The following CDH12 variants were observed in gnomAD, a reference collection of about 807,000 sequenced individuals.
CDH12 encodes cadherin 12, also known as cadherin-12.
Under a neutral mutation model 74.1 loss-of-function variants are expected in CDH12, and 41 were observed. The observed-to-expected ratio is 0.55, with a 90% CI of 0.43 to 0.72. The LOEUF is 0.72. Ranked by LOEUF, CDH12 falls within the 30% of genes least tolerant of loss-of-function variation. The probability of loss-of-function intolerance (pLI) is 0.00; values close to 1 mark genes in which losing one functional copy is unlikely to be tolerated. For missense variants in CDH12, 945 were observed against 977.2 expected (o/e 0.97, Z 0.44); for synonymous variants, 399 against 355.0 (o/e 1.12, Z -1.39).
chr5:21,787,884 G>A (rs1746281707), intron 10 of CDH12, among the ~76,000 whole-genome samples: 1 of 152,152 alleles, frequency 6.6e-6, no homozygotes, highest in Non-Finnish European at 1.5e-5. Context: ...GAACAAGAAA[G>A]CATTTCTCAA....
Position 21,802,281 on chromosome 5 carries a change from G to C in CDH12, c.1142C>G (p.Pro381Arg). ...VKISVLDVDE[P>R]PVFSKPLYTM... ...GTAGAGCGGCTTGCTGAAAACCGGT[G>C]GCTCATCTACGTCCAGCACGCTGAT... The change falls in exon 10 of 15, where the codon CCA (proline) becomes CGA (arginine). Residue 381 changes from proline (P) to arginine (R), a missense_variant. Pro to Arg is a moderately radical substitution (Grantham distance 103, BLOSUM62 -2). Coordinates refer to ENST00000382254, the MANE Select transcript of CDH12 (RefSeq NM_004061.5). The C allele has an allele frequency of 6.2e-7, 1 of 1,611,202 alleles. No individual in the cohort carries two copies. Among genetic ancestry groups the C allele is most frequent in the African/African-American group, 1.3e-5 (1 of 74,240 alleles).
At chr5:21,880,620 T>TTCCTTCC (rs1561268475) in intron 6 of CDH12, among the ~76,000 whole-genome samples, 26 of 22,062 alleles carry the variant, frequency 1.2e-3, no homozygotes, top group South Asian at 2.4e-3. Context: ...TCCTTCCTTC[T>TTCCTTCC]TTCTTTCTTT....
chr5:21,935,003 G>A (rs1408426208), intron 6 of CDH12, among the ~76,000 whole-genome samples: 4 of 152,122 alleles, frequency 2.6e-5, no homozygotes, highest in Non-Finnish European at 5.9e-5. Context: ...AGCCAGGATG[G>A]TCTGGATCTC....
intron 4 of CDH12, among the ~76,000 whole-genome samples, chr5:22,175,002 T>C (rs888677385): frequency 3.9e-5 from 6 of 151,924 alleles, no homozygotes; most frequent in Admixed American, 6.6e-5. Context: ...AAATGTCCTA[T>C]ACCTACTTAC....
intron 3 of CDH12, among the ~76,000 whole-genome samples, chr5:22,221,979 A>G (rs1158110966): frequency 6.6e-6 from 1 of 151,930 alleles, no homozygotes; most frequent in Non-Finnish European, 1.5e-5. Flanking sequence ...TTATTTCTGA[A>G]GCTTGCCTGA....
chr5:22,678,594 G>A (rs1047066327), intron 1 of CDH12, among the ~76,000 whole-genome samples: 1 of 151,868 alleles, frequency 6.6e-6, no homozygotes, highest in Non-Finnish European at 1.5e-5. Context: ...TGTACTTTGC[G>A]GCCACCTTAA....
intron 9 of CDH12, among the ~76,000 whole-genome samples, chr5:21,809,667 C>T (rs34033082): frequency 0.011 from 1,702 of 152,218 alleles, 15 homozygotes; most frequent in Non-Finnish European, 0.018. Context: ...AAAAATAATG[C>T]AGCAGAAGTG....
intron 2 of CDH12, among the ~76,000 whole-genome samples, chr5:22,470,658 T>G (rs1440351213): frequency 6.6e-6 from 1 of 152,100 alleles, no homozygotes; most frequent in Non-Finnish European, 1.5e-5. Context: ...CAGTGTCAAG[T>G]GCTCTTACGT....
chr5:22,456,399 C>G (rs1039672531), intron 2 of CDH12, among the ~76,000 whole-genome samples: 3 of 151,974 alleles, frequency 2.0e-5, no homozygotes, highest in Non-Finnish European at 4.4e-5. Flanking sequence ...TCTAAGATTT[C>G]AAACGTTTTC....
intron 1 of CDH12, among the ~76,000 whole-genome samples, chr5:22,568,068 T>C (rs1337557079): frequency 6.6e-6 from 1 of 152,208 alleles, no homozygotes; most frequent in East Asian, 1.9e-4. Flanking sequence ...AACAGTTTCA[T>C]ATAGAAGACT....
At chr5:22,334,156 G>T (rs912837067) in intron 3 of CDH12, among the ~76,000 whole-genome samples, 1 of 151,844 alleles carries the variant, frequency 6.6e-6, no homozygotes, top group Admixed American at 6.6e-5. Context: ...AGAAATAAAG[G>T]GCATCCAAAT....
intron 2 of CDH12, among the ~76,000 whole-genome samples, chr5:22,473,743 T>G (rs907926463): frequency 3.9e-5 from 6 of 152,150 alleles, no homozygotes; most frequent in Non-Finnish European, 7.4e-5. Context: ...ATGTGGATTT[T>G]ATTTTTGTGA....
At chr5:22,143,708 T>C (rs1191936128) in intron 4 of CDH12, 1 of 152,136 alleles carries the variant, frequency 6.6e-6, no homozygotes, top group Admixed American at 6.5e-5. Flanking sequence ...TGCTCTGTTT[T>C]TGACTCTTTA....
chr5:22,562,969 T>C (rs1739127883), intron 1 of CDH12, among the ~76,000 whole-genome samples: 1 of 147,422 alleles, frequency 6.8e-6, no homozygotes, highest in Non-Finnish European at 1.5e-5. Context: ...ATAATGCATG[T>C]TTATTTAAAT....
intron 1 of CDH12, among the ~76,000 whole-genome samples, chr5:22,808,775 T>G (rs1191513304): frequency 8.3e-5 from 12 of 144,074 alleles, no homozygotes; most frequent in African/African-American, 3.1e-4. Flanking sequence ...TTTTTTTTTT[T>G]TTTTTTTTTT....
chr5:21,854,709 A>G lies in CDH12; in HGVS notation c.608T>C (p.Leu203Pro), dbSNP rs1273112229. ...AATAGAGAAATAAGGTTGTCCCTGA[A>G]GAATGCTGTAAACGACTCTGGCACT... ...GNSARVVYSI[L>P]QGQPYFSIDP... Residue 203 changes from leucine to proline, a missense_variant, in exon 7 of 15, where the codon CTT becomes CCT. By Grantham distance (98) the Leu-to-Pro change is moderately conservative. Transcript: ENST00000382254. 6.4e-7 allele frequency: 1 copy of G among 1,561,754 alleles called. No homozygotes were observed. Among genetic ancestry groups the G allele is most frequent in the African/African-American group, 1.4e-5 (1 of 73,338 alleles).
At chr5:21,802,895 G>A (rs1256192618) in intron 9 of CDH12, among the ~76,000 whole-genome samples, 1 of 152,036 alleles carries the variant, frequency 6.6e-6, no homozygotes, top group Non-Finnish European at 1.5e-5. Context: ...TTTAAGAAAA[G>A]AATCACGTCC....
At chr5:21,848,894 A>G (rs753605275) in intron 7 of CDH12, among the ~76,000 whole-genome samples, 20 of 151,776 alleles carry the variant, frequency 1.3e-4, no homozygotes, top group Non-Finnish European at 1.2e-4. Flanking sequence ...CCCCTACTAG[A>G]TAGGGATCTA....
chr5:22,215,945 T>G (rs1355708636), intron 3 of CDH12, among the ~76,000 whole-genome samples: 2 of 152,164 alleles, frequency 1.3e-5, no homozygotes, highest in African/African-American at 2.4e-5. Flanking sequence ...TGCCAAGAAC[T>G]TATTCTCTCA....
Sources: gnomAD v4.1 joint callset for allele counts (sites outside exome capture counted in the v4.1 genomes callset) on GRCh38, gnomAD v4.1.1 for gene constraint, MANE v1.5 for transcripts, NCBI Gene and HGNC (gene_info 2026-07-23, HGNC 2026-07-21) for gene names.